Variants in MICU1 observed in about 807,000 individuals in gnomAD.
MICU1 encodes the protein mitochondrial calcium uptake 1, also known as calcium uptake protein 1, mitochondrial.
A neutral mutation model predicts 56.8 loss-of-function variants in MICU1; 45 were observed. The ratio of observed to expected loss-of-function variants is 0.79; its 90% confidence interval spans 0.62 to 1.02. MICU1 has a LOEUF of 1.02. MICU1 is among the 50% of genes least tolerant of loss of function. MICU1 has a pLI of 0.00. For synonymous variants in MICU1, 186 were observed against 195.1 expected (o/e 0.95, Z 0.39); for missense variants, 504 against 587.1 (o/e 0.86, Z 1.46).
intron 10 of MICU1, among the ~76,000 whole-genome samples, chr10:72,406,081 T>C (rs1328439451): frequency 6.6e-6 from 1 of 151,910 alleles, no homozygotes; most frequent in Non-Finnish European, 1.5e-5. Flanking sequence ...ATTATTTACA[T>C]AGAAAAACCT....
intron 1 of MICU1, among the ~76,000 whole-genome samples, chr10:72,584,952 A>G (rs1158851950): frequency 2.6e-5 from 4 of 152,304 alleles, no homozygotes; most frequent in Non-Finnish European, 1.5e-5. Context: ...TACAGCCAAG[A>G]AAGTATTGAC....
intron 5 of MICU1, among the ~76,000 whole-genome samples, chr10:72,530,159 C>T (rs899634455): frequency 3.3e-5 from 5 of 150,934 alleles, no homozygotes; most frequent in African/African-American, 1.2e-4. Context: ...AAAACCCCGT[C>T]TCTACTAAAA....
At chr10:72,565,072 G>A (rs1176330448) in intron 2 of MICU1, among the ~76,000 whole-genome samples, 1 of 151,420 alleles carries the variant, frequency 6.6e-6, no homozygotes, top group Non-Finnish European at 1.5e-5. Context: ...CTTGACCCCA[G>A]GAGTTCAAGA....
At chr10:72,621,991 G>A (rs1195081654) in intron 1 of MICU1, among the ~76,000 whole-genome samples, 2 of 152,122 alleles carry the variant, frequency 1.3e-5, no homozygotes, top group Non-Finnish European at 2.9e-5. Flanking sequence ...TCAGCTCACT[G>A]CAAGCTCTGC....
intron 4 of MICU1, among the ~76,000 whole-genome samples, chr10:72,537,583 T>C (rs904001776): frequency 6.6e-6 from 1 of 152,200 alleles, no homozygotes; most frequent in East Asian, 1.9e-4. Flanking sequence ...TTAATGCTCA[T>C]AGTGTGATAT....
chr10:72,568,066 T>TA (rs1314873379), intron 1 of MICU1, among the ~76,000 whole-genome samples: 1 of 152,054 alleles, frequency 6.6e-6, no homozygotes, highest in Non-Finnish European at 1.5e-5. Context: ...CGGAGTTAGG[T>TA]AGGGAGACTT....
At chr10:72,513,498 TTC>T (rs1253420339) in intron 5 of MICU1, among the ~76,000 whole-genome samples, 2 of 152,220 alleles carry the variant, frequency 1.3e-5, no homozygotes, top group African/African-American at 4.8e-5. Context: ...TTTTCTCCTA[TTC>T]TGTGTGTTGC....
rs1320606721 is a variant in MICU1 at position 72,569,225 on chromosome 10, A to AT, written c.-1-2432dup. Among the ~76,000 whole-genome samples the AT allele has an allele frequency of 2.7e-3, 108 of 40,478 alleles. 7 individuals are homozygous for AT. Among genetic ancestry groups the AT allele is most frequent in the African/African-American group, 0.012 (104 of 8,438 alleles). 26.6% of individuals were successfully genotyped at this position (40,478 alleles called of 152,430 possible). A position where few individuals can be genotyped will look rare whatever the true frequency, so the allele number is the denominator to read the frequency against. ...TATATGCATATATATATATATATAT[A>AT]TATATATATATATTTTTTTTTTTTT... On this transcript the variant is annotated intron_variant, in intron 1 of 11. Transcript: ENST00000361114.
intron 5 of MICU1, among the ~76,000 whole-genome samples, chr10:72,519,482 C>T (rs1867753096): frequency 1.3e-5 from 2 of 152,184 alleles, no homozygotes; most frequent in Non-Finnish European, 2.9e-5. Flanking sequence ...TTATACACTA[C>T]ACATGTGTAA....
intron 6 of MICU1, among the ~76,000 whole-genome samples, chr10:72,497,062 T>C (rs1474897151): frequency 6.6e-6 from 1 of 151,986 alleles, no homozygotes; most frequent in African/African-American, 2.4e-5. Flanking sequence ...AAATAAGAGT[T>C]TTCTTTTTTT....
intron 4 of MICU1, among the ~76,000 whole-genome samples, chr10:72,536,959 T>C (rs958739449): frequency 3.3e-5 from 5 of 152,168 alleles, no homozygotes; most frequent in Non-Finnish European, 7.4e-5. Context: ...AAAATGTAAC[T>C]TAAAATTTTA....
chr10:72,430,150 T>G (rs1864479531), intron 8 of MICU1, among the ~76,000 whole-genome samples: 1 of 152,210 alleles, frequency 6.6e-6, no homozygotes, highest in Non-Finnish European at 1.5e-5. Flanking sequence ...TACTTTCTTC[T>G]TTCTTTTAAC....
chr10:72,384,233 G>A (rs1055429442), intron 10 of MICU1, among the ~76,000 whole-genome samples: 1 of 152,052 alleles, frequency 6.6e-6, no homozygotes, highest in Non-Finnish European at 1.5e-5. Flanking sequence ...GGGCTCAAGC[G>A]AACCACCCAC....
At chr10:72,457,737 G>T (rs1865516588) in intron 8 of MICU1, among the ~76,000 whole-genome samples, 1 of 151,664 alleles carries the variant, frequency 6.6e-6, no homozygotes, top group Non-Finnish European at 1.5e-5. Flanking sequence ...CAGAGAGAGA[G>T]ACAGAGAGAG....
At chr10:72,532,913 T>C (rs1839526885) in intron 5 of MICU1, 4 of 1,193,414 alleles carry the variant, frequency 3.4e-6, no homozygotes, top group East Asian at 5.7e-5. Flanking sequence ...TATGTAATAA[T>C]GCAGGAATTG....
At chr10:72,420,039 C>T (rs1402861036) in intron 9 of MICU1, among the ~76,000 whole-genome samples, 1 of 152,118 alleles carries the variant, frequency 6.6e-6, no homozygotes, top group Non-Finnish European at 1.5e-5. Context: ...CTCTTTCTTG[C>T]CTGCCACAAC....
chr10:72,399,533 C>T lies in MICU1; in HGVS notation c.1180+8396G>A, dbSNP rs186209486. Among the ~76,000 whole-genome samples the T allele has an allele frequency of 2.9e-3, 443 of 152,256 alleles. 2 individuals are homozygous for T. The highest frequency in any genetic ancestry group is 6.2e-3 in the Admixed American group (95 of 15,288). On this transcript the variant is annotated intron_variant, in intron 10 of 11. Transcript: ENST00000361114. The stretch of plus-strand genomic sequence containing the variant: ...TGTTGGCACGTGCCTGTAATCCCAG[C>T]TACTTGGGGAGCTGAGGCAGGAGAA...
intron 8 of MICU1, among the ~76,000 whole-genome samples, chr10:72,427,462 A>C (rs1158250748): frequency 1.3e-5 from 2 of 152,190 alleles, no homozygotes; most frequent in Non-Finnish European, 2.9e-5. Flanking sequence ...AGTATCTGCA[A>C]GTGGGTCTTC....
intron 4 of MICU1, among the ~76,000 whole-genome samples, chr10:72,545,491 G>A (rs1839873739): frequency 6.6e-6 from 1 of 152,190 alleles, no homozygotes; most frequent in Non-Finnish European, 1.5e-5. Flanking sequence ...GCAGGGAAAG[G>A]GCTTACAGGC....
Sources: gnomAD v4.1 joint callset for allele counts (sites outside exome capture counted in the v4.1 genomes callset) on GRCh38, gnomAD v4.1.1 for gene constraint, MANE v1.5 for transcripts, NCBI Gene and HGNC (gene_info 2026-07-23, HGNC 2026-07-21) for gene names.